Variants in BDNF observed in about 807,000 individuals in gnomAD.
BDNF encodes neurotrophic factor BDNF precursor form.
Under a neutral mutation model 19.5 loss-of-function variants are expected in BDNF, and 1 was observed. The ratio of observed to expected loss-of-function variants is 0.05; its 90% CI spans 0.02 to 0.24. The LOEUF is 0.24. Among genes scored for constraint, BDNF ranks in the 10% least tolerant of loss-of-function variants. The probability of loss-of-function intolerance (pLI) is 1.00; values close to 1 mark genes in which losing one functional copy is unlikely to be tolerated. For missense variants in BDNF, 195 were observed against 317.6 expected (o/e 0.61, Z 2.93); for synonymous variants, 100 against 121.6 (o/e 0.82, Z 1.17).
intron 1 of BDNF, chr11:27,696,496 C>T (rs1035024060): frequency 1.1e-4 from 16 of 152,176 alleles, no homozygotes; most frequent in Non-Finnish European, 2.2e-4. Context: ...TTTCCTCTTC[C>T]ATTGAACAAC....
intron 1 of BDNF, chr11:27,697,412 C>T (rs1042829634): frequency 2.0e-5 from 3 of 152,162 alleles, no homozygotes; most frequent in Non-Finnish European, 2.9e-5. Context: ...CATGGCGCCC[C>T]TTTTAAACAG....
chr11:27,708,071 A>G (rs1267625612), intron 1 of BDNF, among the ~76,000 whole-genome samples: 1 of 152,190 alleles, frequency 6.6e-6, no homozygotes, highest in Non-Finnish European at 1.5e-5. Flanking sequence ...AATGTTTAAT[A>G]TTGAGGATCT....
intron 1 of BDNF, among the ~76,000 whole-genome samples, chr11:27,686,718 A>G (rs1396460177): frequency 4.6e-5 from 7 of 152,188 alleles, no homozygotes; most frequent in African/African-American, 1.7e-4. Flanking sequence ...AATGTTGAAT[A>G]TTGGCCCCCA....
At chr11:27,666,664 A>C (rs1234278159) in intron 1 of BDNF, among the ~76,000 whole-genome samples, 2 of 151,088 alleles carry the variant, frequency 1.3e-5, no homozygotes, top group Non-Finnish European at 3.0e-5. Flanking sequence ...ATCAAGTGGA[A>C]GAAAGGGATT....
chr11:27,715,952 T>A (rs1860491905), intron 1 of BDNF, among the ~76,000 whole-genome samples: 1 of 152,194 alleles, frequency 6.6e-6, no homozygotes, highest in Non-Finnish European at 1.5e-5. Flanking sequence ...TCTTATAGGA[T>A]TGTTTTATAA....
chr11:27,700,382 G>A lies in BDNF; in HGVS notation c.-240C>T, dbSNP rs1309631135. On this transcript the variant is annotated 5_prime_UTR_variant, in exon 1 of 2. Transcript: ENST00000356660. ...CCGGGAGCCCGAGGCGCTACGGGGT[G>A]CGCGGGACAGCGAGCGGGCGGGTGC... is the stretch of plus-strand genomic sequence containing the variant. 1.0e-6 allele frequency: 1 copy of A among 985,732 alleles called. No individual in the cohort carries two copies. The highest frequency in any genetic ancestry group is 1.2e-6 in the Non-Finnish European group (1 of 830,148). The allele number at this position is 985,732 out of a possible 1,614,324, so 61.1% of individuals were successfully genotyped here.
chr11:27,691,026 A>G (rs1858189603), intron 1 of BDNF: 1 of 152,236 alleles, frequency 6.6e-6, no homozygotes, highest in South Asian at 2.1e-4. Context: ...AGATTCTCAC[A>G]TAGCAAAATG....
rs560135782 is a variant in BDNF at position 27,667,041 on chromosome 11, G to A, written c.-21-8456C>T. ...AGAGAAAGGGCAGGTTACCCACAAA[G>A]GGAAGTCCATCAGACTAACAGCATC... On this transcript the variant is annotated intron_variant, in intron 1 of 1. Transcript: ENST00000356660. 1.4e-3 allele frequency among the ~76,000 whole-genome samples: 207 copies of A among 152,308 alleles called. 1 individual carries two copies. Among genetic ancestry groups the A allele is most frequent in the Admixed American group, 4.8e-3 (74 of 15,306 alleles).
intron 1 of BDNF, among the ~76,000 whole-genome samples, chr11:27,665,857 CAA>C (rs1854219863): frequency 6.6e-6 from 1 of 152,026 alleles, no homozygotes; most frequent in African/African-American, 2.4e-5. Flanking sequence ...CACAGCTGAA[CAA>C]AAGACAGCAG....
chr11:27,667,635 A>G (rs1854587924), intron 1 of BDNF, among the ~76,000 whole-genome samples: 1 of 152,226 alleles, frequency 6.6e-6, no homozygotes, highest in Non-Finnish European at 1.5e-5. Context: ...CTGATAAAAC[A>G]GACTTTAAAC....
At chr11:27,674,553 A>G in intron 1 of BDNF, 1 of 985,308 alleles carries the variant, frequency 1.0e-6, no homozygotes, top group Non-Finnish European at 1.2e-6. Context: ...CTCCAGAACT[A>G]CTATAAAATA....
chr11:27,682,976 A>C (rs1005415267), intron 1 of BDNF, among the ~76,000 whole-genome samples: 2 of 152,216 alleles, frequency 1.3e-5, no homozygotes, highest in African/African-American at 2.4e-5. Flanking sequence ...TCCTTGAGGA[A>C]TCACCACACT....
upstream of BDNF, chr11:27,701,617 T>C (rs1318565889): frequency 1.0e-6 from 1 of 986,090 alleles, no homozygotes; most frequent in Non-Finnish European, 1.2e-6. Flanking sequence ...CTCTCCGCGG[T>C]GAATGGGAAA....
intron 1 of BDNF, chr11:27,697,937 C>A (rs1175858446): frequency 6.6e-6 from 1 of 152,104 alleles, no homozygotes; most frequent in East Asian, 1.9e-4. Context: ...GAAATCATTT[C>A]TTTCTGCTTA....
chr11:27,699,668 G>A, intron 1 of BDNF: 1 of 1,419,328 alleles, frequency 7.0e-7, no homozygotes, highest in Non-Finnish European at 9.2e-7. Flanking sequence ...GTAGCCGTGT[G>A]CAGCTCCGGG....
At chr11:27,694,794 T>C (rs191217055) in intron 1 of BDNF, among the ~76,000 whole-genome samples, 3 of 152,172 alleles carry the variant, frequency 2.0e-5, no homozygotes, top group Non-Finnish European at 4.4e-5. Context: ...AAAACATTCT[T>C]AAAGGTCTCT....
At chr11:27,714,506 T>C (rs1381035230) in intron 1 of BDNF, among the ~76,000 whole-genome samples, 1 of 152,188 alleles carries the variant, frequency 6.6e-6, no homozygotes, top group Non-Finnish European at 1.5e-5. Flanking sequence ...TTAAAAATAA[T>C]CCGCAGAAAT....
intron 1 of BDNF, among the ~76,000 whole-genome samples, chr11:27,679,376 G>C (rs1448974859): frequency 6.6e-6 from 1 of 152,210 alleles, no homozygotes; most frequent in African/African-American, 2.4e-5. Context: ...AAGAATTAAA[G>C]ATATGTTACA....
intron 1 of BDNF, among the ~76,000 whole-genome samples, chr11:27,692,406 A>G (rs1289630399): frequency 6.6e-6 from 1 of 152,096 alleles, no homozygotes; most frequent in Non-Finnish European, 1.5e-5. Flanking sequence ...CAGTGGGACA[A>G]TCACGGCTCA....
Sources: allele counts gnomAD v4.1 joint callset (sites outside exome capture counted in the v4.1 genomes callset), GRCh38; gene constraint gnomAD v4.1.1; transcripts MANE v1.5; gene names NCBI Gene and HGNC (gene_info 2026-07-23, HGNC 2026-07-21).